The following CEP128 variants were observed in gnomAD, a reference collection of about 807,000 sequenced individuals.
The protein encoded by CEP128 is centrosomal protein 128kDa.
In CEP128, 132 loss-of-function variants were observed where a neutral mutation model predicts 156.7. The ratio of observed to expected loss-of-function variants is 0.84; its 90% CI spans 0.73 to 0.97. The LOEUF (loss-of-function observed/expected upper bound fraction) is 0.97. Ranked by LOEUF, CEP128 falls within the 50% of genes least tolerant of loss-of-function variation. The probability of loss-of-function intolerance (pLI) is 0.00; values close to 1 mark genes in which losing one functional copy is unlikely to be tolerated. For synonymous variants in CEP128, 469 were observed against 448.9 expected, an observed-to-expected ratio of 1.04 and a Z score of -0.57; for missense variants, 1,252 against 1,281.9, an observed-to-expected ratio of 0.98 and a Z score of 0.36.
At chr14:80,742,943 CA>C in intron 19 of CEP128, 131 bp downstream of exon 19, 1 of 742,050 alleles carries the variant, frequency 1.3e-6, no homozygotes, top group Admixed American at 2.6e-5. Context: ...GATAAGAAGA[CA>C]AAGACAAGAA....
intron 19 of CEP128, among the ~76,000 whole-genome samples, chr14:80,622,667 T>C (rs1448327665): frequency 6.7e-6 from 1 of 149,888 alleles, no homozygotes; most frequent in Non-Finnish European, 1.5e-5. Flanking sequence ...CAGACACTTC[T>C]CAAAAGAAGA....
intron 19 of CEP128, among the ~76,000 whole-genome samples, chr14:80,648,057 G>A (rs78456921): frequency 1.3e-5 from 2 of 152,050 alleles, no homozygotes; most frequent in East Asian, 3.9e-4. Context: ...TCACCCCTTT[G>A]GTCCTGATGA....
At chr14:80,821,997 A>T (rs1885214533) in intron 13 of CEP128, among the ~76,000 whole-genome samples, 1 of 152,142 alleles carries the variant, frequency 6.6e-6, no homozygotes, top group Admixed American at 6.5e-5. Flanking sequence ...AGATCTCATG[A>T]GACTTATTCA....
intron 14 of CEP128, among the ~76,000 whole-genome samples, chr14:80,791,441 A>G (rs1455782207): frequency 6.6e-6 from 1 of 152,196 alleles, no homozygotes; most frequent in Admixed American, 6.5e-5. Context: ...CATGGACTGG[A>G]ATTACTGTAT....
At chr14:80,782,214 A>G (rs1901160937) in intron 15 of CEP128, among the ~76,000 whole-genome samples, 1 of 152,202 alleles carries the variant, frequency 6.6e-6, no homozygotes, top group Non-Finnish European at 1.5e-5. Flanking sequence ...TATCTTAAAT[A>G]GCCAAGTGTC....
chr14:80,799,176 C>T (rs1208088770), intron 13 of CEP128, among the ~76,000 whole-genome samples: 5 of 152,148 alleles, frequency 3.3e-5, no homozygotes, highest in South Asian at 4.1e-4. Context: ...ACCAAAGCAA[C>T]GTTGTTGCCG....
At chr14:80,535,822 A>C (rs1004102919) in intron 21 of CEP128, among the ~76,000 whole-genome samples, 1 of 152,240 alleles carries the variant, frequency 6.6e-6, no homozygotes, top group Non-Finnish European at 1.5e-5. Context: ...TGTTCTAATA[A>C]ACCCACTGAA....
chr14:80,842,970 G>A (rs1886414374), intron 9 of CEP128, among the ~76,000 whole-genome samples: 1 of 151,768 alleles, frequency 6.6e-6, no homozygotes, highest in African/African-American at 2.4e-5. Flanking sequence ...TCCCTTAAGT[G>A]TGTCATATCG....
At chr14:80,648,593 T>C (rs1316824162) in intron 19 of CEP128, among the ~76,000 whole-genome samples, 1 of 152,022 alleles carries the variant, frequency 6.6e-6, no homozygotes, top group Non-Finnish European at 1.5e-5. Context: ...TAATAAAAAA[T>C]AGCATTGATT....
intron 19 of CEP128, among the ~76,000 whole-genome samples, chr14:80,656,294 TATA>T (rs1566837852): frequency 0.012 from 33 of 2,858 alleles, no homozygotes; most frequent in African/African-American, 0.034. Context: ...TATATATTTA[TATA>T]TATATATATA....
intron 18 of CEP128, among the ~76,000 whole-genome samples, chr14:80,745,646 A>T (rs1049945679): frequency 1.2e-4 from 19 of 152,180 alleles, no homozygotes; most frequent in African/African-American, 3.9e-4. Flanking sequence ...CACAACTATT[A>T]TCATACTTAA....
chr14:80,595,027 G>C (rs1000830369), intron 19 of CEP128, among the ~76,000 whole-genome samples: 1 of 152,116 alleles, frequency 6.6e-6, no homozygotes, highest in African/African-American at 2.4e-5. Context: ...ATGCACACAT[G>C]TGTTTATTGC....
chr14:80,775,203 A>G (rs1331429194), intron 16 of CEP128, among the ~76,000 whole-genome samples: 1 of 152,220 alleles, frequency 6.6e-6, no homozygotes, highest in Non-Finnish European at 1.5e-5. Context: ...GAAGGATGAT[A>G]AAACTGAGGC....
intron 2 of CEP128, among the ~76,000 whole-genome samples, chr14:80,953,005 A>T (rs1270987980): frequency 6.6e-6 from 1 of 152,236 alleles, no homozygotes; most frequent in Non-Finnish European, 1.5e-5. Context: ...ATTTATAGTT[A>T]AAAACCTTCC....
chr14:80,686,860 G>A lies in CEP128; in HGVS notation c.2806+56215C>T, dbSNP rs1321435044. ...AGACAAAGAAGGATATTATATAATG[G>A]TAAAGGGTTCAATTCAACAAAAAGA... On this transcript the variant is annotated intron_variant, in intron 19 of 24. Coordinates refer to ENST00000555265, the MANE Select transcript of CEP128 (RefSeq NM_152446.5). 7.9e-5 allele frequency among the ~76,000 whole-genome samples: 12 copies of A among 152,114 alleles called. 1 individual carries two copies. Among genetic ancestry groups the A allele is most frequent in the Admixed American group, 7.9e-4 (12 of 15,266 alleles).
chr14:80,545,094 C>T (rs1844103149), intron 21 of CEP128, among the ~76,000 whole-genome samples: 1 of 152,202 alleles, frequency 6.6e-6, no homozygotes, highest in African/African-American at 2.4e-5. Flanking sequence ...TCTTCATCCT[C>T]TTAGTCTCAA....
At chr14:80,583,218 G>A (rs961226905) in intron 19 of CEP128, among the ~76,000 whole-genome samples, 1 of 152,100 alleles carries the variant, frequency 6.6e-6, no homozygotes, top group Non-Finnish European at 1.5e-5. Context: ...GACTTGGGAT[G>A]GCTGAATAAA....
At chr14:80,577,776 A>G (rs1343321595) in intron 20 of CEP128, among the ~76,000 whole-genome samples, 1 of 152,184 alleles carries the variant, frequency 6.6e-6, no homozygotes, top group Non-Finnish European at 1.5e-5. Flanking sequence ...CCGAAGGTAA[A>G]GTCCAAACTC....
chr14:80,927,919 C>T (rs1219796865), intron 2 of CEP128, among the ~76,000 whole-genome samples: 1 of 152,188 alleles, frequency 6.6e-6, no homozygotes. Flanking sequence ...TCCAGCCCCA[C>T]AGGAGAGAGT....
Sources: allele counts gnomAD v4.1 joint callset (sites outside exome capture counted in the v4.1 genomes callset), GRCh38; gene constraint gnomAD v4.1.1; transcripts MANE v1.5; gene names NCBI Gene and HGNC (gene_info 2026-07-23, HGNC 2026-07-21).